CD80: variants seen among roughly 807,000 people sequenced by gnomAD.
The protein encoded by CD80 is CD80 molecule, also known as T-lymphocyte activation antigen CD80.
In CD80, 13 loss-of-function variants were observed where a neutral mutation model predicts 27.1. The ratio of observed to expected loss-of-function variants is 0.48; its 90% CI spans 0.31 to 0.76. The LOEUF (loss-of-function observed/expected upper bound fraction) is 0.76, where lower values mean the gene tolerates loss of function less well. Among genes scored for constraint, CD80 ranks in the 30% least tolerant of loss-of-function variants. The probability of loss-of-function intolerance (pLI) is 0.04; values close to 1 mark genes in which losing one functional copy is unlikely to be tolerated. For synonymous variants in CD80, 125 were observed against 125.5 expected, an observed-to-expected ratio of 1.00 and a Z score of 0.03; for missense variants, 277 against 347.9, an observed-to-expected ratio of 0.80 and a Z score of 1.62.
intron 2 of CD80, among the ~76,000 whole-genome samples, chr3:119,552,452 G>A (rs1213247706): frequency 6.8e-6 from 1 of 146,884 alleles, no homozygotes; most frequent in African/African-American, 2.6e-5. Context: ...GGCGGAGCTT[G>A]CTGTGAGCCA....
intron 2 of CD80, among the ~76,000 whole-genome samples, chr3:119,552,188 G>A (rs1254000176): frequency 6.6e-6 from 1 of 152,138 alleles, no homozygotes; most frequent in African/African-American, 2.4e-5. Flanking sequence ...AAGAATTTTA[G>A]ACAAATAATG....
chr3:119,524,939 A>G lies in CD80; in HGVS notation c.*849T>C, dbSNP rs916885538. On this transcript the variant is annotated 3_prime_UTR_variant, in exon 7 of 7. Coordinates refer to ENST00000264246, the MANE Select transcript of CD80 (RefSeq NM_005191.4). ...ACACTGTAAACAACGATCTCATTTTAAATGAGAACTTTCTCATAAATATTT... is the reference window on the plus strand; with the variant it reads ...ACACTGTAAACAACGATCTCATTTTGAATGAGAACTTTCTCATAAATATTT... The G allele has an allele frequency of 6.6e-6, 1 of 152,222 alleles. No individual in the cohort carries two copies. The highest frequency in any genetic ancestry group is 2.4e-5 in the African/African-American group (1 of 41,454). The allele number at this position is 152,222 out of a possible 1,614,324, so 9.4% of individuals were successfully genotyped here.
intron 2 of CD80, among the ~76,000 whole-genome samples, chr3:119,546,092 C>T (rs1371390883): frequency 2.6e-5 from 4 of 152,100 alleles, no homozygotes; most frequent in African/African-American, 9.7e-5. Context: ...TATAACATAA[C>T]CTATCCCCTT....
chr3:119,551,830 C>T (rs1430657723), intron 2 of CD80, among the ~76,000 whole-genome samples: 1 of 152,224 alleles, frequency 6.6e-6, no homozygotes, highest in Non-Finnish European at 1.5e-5. Context: ...CTGAACCACA[C>T]CCCCATAGGA....
chr3:119,557,201 A>C (rs148194139), intron 2 of CD80, among the ~76,000 whole-genome samples: 1 of 152,284 alleles, frequency 6.6e-6, no homozygotes, highest in Non-Finnish European at 1.5e-5. Flanking sequence ...TCAGATTGGA[A>C]AGAAGATCAC....
At chr3:119,528,436 C>T (rs935815965) in intron 5 of CD80, among the ~76,000 whole-genome samples, 9 of 152,138 alleles carry the variant, frequency 5.9e-5, no homozygotes, top group African/African-American at 9.7e-5. Context: ...GGCCTTATTT[C>T]GGACCATAGA....
At position 119,557,915 on chromosome 3, in the gene CD80, T is replaced by C; in HGVS notation, c.-187A>G. The C allele has an allele frequency of 2.4e-6, 1 of 415,380 alleles. No individual in the cohort carries two copies. The highest frequency in any genetic ancestry group is 4.3e-6 in the Non-Finnish European group (1 of 234,196). The allele number at this position is 415,380 out of a possible 1,614,324, so 25.7% of individuals were successfully genotyped here. ...TTCCTGGGTCTCCAAAGGTTGTGGA[T>C]TTAGTTTCACAGCCTGAAAAAGGAA... is the stretch of plus-strand genomic sequence containing the variant. On this transcript the variant is annotated 5_prime_UTR_variant, in exon 2 of 7. Transcript: ENST00000264246.
Position 119,531,677 on chromosome 3 carries a change from A to ATTT in CD80, c.701-1741_701-1740insAAA, listed in dbSNP as rs55805222. Reference sequence around the variant, plus strand: ...TATTTATTTATTTATTTATTTATTTAAGACGGACTTTCACTGTGTTTCCCA... The same window carrying ATTT: ...TATTTATTTATTTATTTATTTATTTATTTAGACGGACTTTCACTGTGTTTCCCA... On this transcript the variant is annotated intron_variant, in intron 4 of 6. Coordinates refer to ENST00000264246, the MANE Select transcript of CD80 (RefSeq NM_005191.4). Among the ~76,000 whole-genome samples, 652 of 151,456 alleles carry ATTT rather than the reference A, an allele frequency of 4.3e-3. 5 individuals are homozygous for ATTT. The highest frequency in any genetic ancestry group is 6.9e-3 in the Non-Finnish European group (467 of 67,846).
intron 3 of CD80, among the ~76,000 whole-genome samples, chr3:119,539,009 T>G (rs2082154024): frequency 6.6e-6 from 1 of 152,152 alleles, no homozygotes; most frequent in Non-Finnish European, 1.5e-5. Context: ...TCTGGATGGG[T>G]TTTCCCCTCT....
At chr3:119,543,957 C>G (rs574828667) in intron 3 of CD80, among the ~76,000 whole-genome samples, 1 of 145,316 alleles carries the variant, frequency 6.9e-6, no homozygotes, top group African/African-American at 2.6e-5. Context: ...GGTGCAATCT[C>G]AGCTCATTGC....
chr3:119,535,583 A>G (rs906757414), intron 4 of CD80, among the ~76,000 whole-genome samples: 1 of 152,132 alleles, frequency 6.6e-6, no homozygotes. Context: ...CATCGTTTTC[A>G]TTGTATATTT....
At chr3:119,529,754 G>T in intron 5 of CD80, 88 bp downstream of exon 5, 1 of 878,636 alleles carries the variant, frequency 1.1e-6, no homozygotes, top group Non-Finnish European at 1.9e-6. Flanking sequence ...GAAGCGAATA[G>T]GCTAAAACCT....
At chr3:119,535,588 A>G (rs1474147249) in intron 4 of CD80, among the ~76,000 whole-genome samples, 4 of 152,180 alleles carry the variant, frequency 2.6e-5, no homozygotes, top group Non-Finnish European at 5.9e-5. Context: ...TTTTCATTGT[A>G]TATTTTCAAA....
At chr3:119,558,327 C>T (rs1034159804) in intron 1 of CD80, among the ~76,000 whole-genome samples, 1 of 152,134 alleles carries the variant, frequency 6.6e-6, no homozygotes, top group Non-Finnish European at 1.5e-5. Flanking sequence ...GACATATTAA[C>T]ATAAGAAAAC....
At chr3:119,544,496 T>G in intron 3 of CD80, 54 bp downstream of exon 3, 1 of 1,507,568 alleles carries the variant, frequency 6.6e-7, no homozygotes, top group Non-Finnish European at 9.2e-7. Flanking sequence ...CCATGTGTCT[T>G]TAAGGGCATT....
chr3:119,559,209 G>T (rs1294601198), intron 1 of CD80, among the ~76,000 whole-genome samples: 1 of 152,100 alleles, frequency 6.6e-6, no homozygotes, highest in African/African-American at 2.4e-5. Context: ...AACAATATTT[G>T]CTAGGATCTA....
In CD80 at chr3:119,544,699, C is replaced by T. The variant is rs757278848; in HGVS notation, c.269G>A (p.Arg90Gln). 7.4e-6 allele frequency: 12 copies of T among 1,614,032 alleles called. No homozygotes were observed. The highest frequency in any genetic ancestry group is 1.7e-5 in the Admixed American group (1 of 59,994). ...GTTATTAGTGATATCAAAGATGGTC[C>T]GGTTCTTGTACTCGGGCCATATATT... ...DMNIWPEYKN[R>Q]TIFDITNNLS... The change falls in exon 3 of 7, where the codon CGG becomes CAG. Residue 90 changes from arginine to glutamine, a missense_variant. Physicochemically the swap from Arg to Gln is conservative, Grantham distance 43. Coordinates refer to ENST00000264246, the MANE Select transcript of CD80 (RefSeq NM_005191.4).
chr3:119,539,980 T>C (rs931634761), intron 3 of CD80, among the ~76,000 whole-genome samples: 10 of 152,152 alleles, frequency 6.6e-5, no homozygotes, highest in Admixed American at 6.6e-4. Flanking sequence ...CACAGGAAAC[T>C]AAATAGTCTC....
intron 2 of CD80, among the ~76,000 whole-genome samples, chr3:119,553,692 A>G (rs144813902): frequency 1.5e-4 from 23 of 152,328 alleles, no homozygotes; most frequent in African/African-American, 5.3e-4. Flanking sequence ...GAAGCAGTTG[A>G]CACAACATCT....
Sources: allele counts gnomAD v4.1 joint callset (sites outside exome capture counted in the v4.1 genomes callset), GRCh38; gene constraint gnomAD v4.1.1; transcripts MANE v1.5; gene names NCBI Gene and HGNC (gene_info 2026-07-23, HGNC 2026-07-21).